Variants in AATF observed in about 807,000 individuals in gnomAD.
AATF encodes the protein protein AATF.
AATF carries 48 observed loss-of-function variants against 63.7 expected under a neutral mutation model. That is an observed-to-expected ratio of 0.75 (90% confidence interval 0.60 to 0.96). AATF has a LOEUF of 0.96. Among genes scored for constraint, AATF ranks in the 40% least tolerant of loss-of-function variants. AATF has a pLI of 0.00. For synonymous variants in AATF, 258 were observed against 247.7 expected, an observed-to-expected ratio of 1.04 and a Z score of -0.39; for missense variants, 639 against 685.7, an observed-to-expected ratio of 0.93 and a Z score of 0.76.
At chr17:37,002,030 C>T (rs957841971) in intron 8 of AATF, among the ~76,000 whole-genome samples, 8 of 151,572 alleles carry the variant, frequency 5.3e-5, no homozygotes, top group African/African-American at 1.5e-4. Flanking sequence ...GGTGAAACCC[C>T]GCCTCTACTA....
chr17:37,042,068 C>T (rs1262912923), intron 11 of AATF, among the ~76,000 whole-genome samples: 1 of 151,876 alleles, frequency 6.6e-6, no homozygotes, highest in East Asian at 1.9e-4. Context: ...TATGAATTCT[C>T]TATATTATGG....
intron 8 of AATF, chr17:37,000,106 TGA>T (rs2071283002): frequency 6.6e-6 from 1 of 152,312 alleles, no homozygotes; most frequent in African/African-American, 2.4e-5. Flanking sequence ...AGAGTAGACA[TGA>T]GAGAATGGGG....
chr17:37,040,701 T>G (rs2071630626), intron 11 of AATF, among the ~76,000 whole-genome samples: 1 of 145,172 alleles, frequency 6.9e-6, no homozygotes, highest in South Asian at 2.3e-4. Flanking sequence ...TAGCTACTCT[T>G]TCAAAAACTT....
chr17:37,056,728 A>C lies in AATF; in HGVS notation c.*64A>C. ...GTGCGGCTGCTGGTCCAGATGGAGGAAACCAGTGACTTTATGGGGCTGAGC... is the reference window on the plus strand; with the variant it reads ...GTGCGGCTGCTGGTCCAGATGGAGGCAACCAGTGACTTTATGGGGCTGAGC... On this transcript the variant is annotated 3_prime_UTR_variant, in exon 12 of 12. Coordinates refer to ENST00000619387, the MANE Select transcript of AATF (RefSeq NM_012138.4). 1 of 1,549,596 alleles carries C rather than the reference A, an allele frequency of 6.5e-7. No homozygotes were observed. The highest frequency in any genetic ancestry group is 8.9e-7 in the Non-Finnish European group (1 of 1,123,108).
intron 8 of AATF, among the ~76,000 whole-genome samples, chr17:36,995,004 G>A (rs890654947): frequency 2.6e-5 from 4 of 152,108 alleles, no homozygotes; most frequent in African/African-American, 4.8e-5. Context: ...ATCCCAGATC[G>A]CAAACTAGTT....
intron 8 of AATF, among the ~76,000 whole-genome samples, chr17:37,017,333 A>ATTAT (rs1361649553): frequency 6.6e-6 from 1 of 151,266 alleles, no homozygotes; most frequent in African/African-American, 2.4e-5. Flanking sequence ...CTTCTTCTTT[A>ATTAT]TTATTATTAA....
rs974428534 is a variant in AATF at position 36,995,462 on chromosome 17, T to C, written c.1398+4605T>C. On this transcript the variant is annotated intron_variant, in intron 8 of 11. Coordinates refer to ENST00000619387, the MANE Select transcript of AATF (RefSeq NM_012138.4). ...GGACAGGTGATGTGGTAGAATTGTA[T>C]GCATTTAGATCTTAGTGTGAATAAG... 2.0e-5 allele frequency among the ~76,000 whole-genome samples: 3 copies of C among 152,230 alleles called. No individual in the cohort carries two copies. The South Asian group carries it at 6.2e-4, about 31-fold the overall frequency.
chr17:37,009,005 A>G (rs2071362442), intron 8 of AATF, among the ~76,000 whole-genome samples: 1 of 152,214 alleles, frequency 6.6e-6, no homozygotes, highest in Admixed American at 6.5e-5. Flanking sequence ...GCTTGCTCTC[A>G]TTTCCTGAGA....
intron 11 of AATF, chr17:37,056,304 A>C: frequency 2.7e-6 from 1 of 371,358 alleles, no homozygotes. Flanking sequence ...CATCCTATTA[A>C]AATATTCAAT....
intron 4 of AATF, among the ~76,000 whole-genome samples, chr17:36,967,685 G>A (rs539300487): frequency 4.6e-5 from 7 of 152,254 alleles, no homozygotes; most frequent in African/African-American, 1.7e-4. Context: ...CTCATAGCTT[G>A]CTGAGAAGGG....
chr17:37,025,274 C>T (rs1441324729), intron 10 of AATF, among the ~76,000 whole-genome samples: 10 of 152,162 alleles, frequency 6.6e-5, no homozygotes, highest in African/African-American at 2.4e-4. Context: ...TGAAGTTTGA[C>T]ACAACCTTCA....
At chr17:36,962,801 C>T (rs77681168) in intron 4 of AATF, among the ~76,000 whole-genome samples, 6,211 of 152,072 alleles carry the variant, frequency 0.041, 416 homozygotes, top group African/African-American at 0.14. Flanking sequence ...TTAACTCAAA[C>T]GTAACTATAT....
At chr17:37,018,481 C>T (rs1443306805) in intron 8 of AATF, among the ~76,000 whole-genome samples, 3 of 152,208 alleles carry the variant, frequency 2.0e-5, no homozygotes, top group Non-Finnish European at 4.4e-5. Flanking sequence ...GGTAGAGTAG[C>T]AGCTGTGGAA....
At chr17:36,958,404 A>G (rs1451798975) in intron 4 of AATF, among the ~76,000 whole-genome samples, 1 of 151,986 alleles carries the variant, frequency 6.6e-6, no homozygotes, top group Admixed American at 6.6e-5. Context: ...TGATCTTGTG[A>G]TCCACCCACC....
intron 8 of AATF, among the ~76,000 whole-genome samples, chr17:37,006,224 C>G (rs1301548417): frequency 6.6e-6 from 1 of 152,192 alleles, no homozygotes; most frequent in African/African-American, 2.4e-5. Context: ...AATCCCAGCA[C>G]TTTGGGAGGC....
chr17:36,988,473 G>A (rs1334994912), intron 5 of AATF, 46 bp from the exon 6 acceptor site: 8 of 1,581,548 alleles, frequency 5.1e-6, no homozygotes, highest in Non-Finnish European at 6.9e-6. Context: ...TAAAATCTAA[G>A]TAATGTTTGT....
chr17:37,056,426 T>C (rs2071798404), intron 11 of AATF, 175 bp from the exon 12 acceptor site: 2 of 622,468 alleles, frequency 3.2e-6, no homozygotes, highest in Non-Finnish European at 5.6e-6. Flanking sequence ...TACTGTTTGA[T>C]TGGGTTTCTT....
intron 4 of AATF, among the ~76,000 whole-genome samples, chr17:36,983,575 T>C (rs541870356): frequency 6.6e-6 from 1 of 152,194 alleles, no homozygotes; most frequent in South Asian, 2.1e-4. Flanking sequence ...GGTCTTGAAC[T>C]CCTGACCTCA....
At chr17:37,031,337 CA>C in intron 10 of AATF, 3 of 479,866 alleles carry the variant, frequency 6.3e-6, no homozygotes, top group Non-Finnish European at 7.6e-6. Context: ...GTGTAGATTA[CA>C]TGCAAATACT....
Sources: gnomAD v4.1 joint callset for allele counts (sites outside exome capture counted in the v4.1 genomes callset) on GRCh38, gnomAD v4.1.1 for gene constraint, MANE v1.5 for transcripts, NCBI Gene and HGNC (gene_info 2026-07-23, HGNC 2026-07-21) for gene names.